Variants in MLLT3 observed in about 807,000 individuals in gnomAD.
The protein encoded by MLLT3 is MLLT3 super elongation complex subunit, also known as protein AF-9.
In MLLT3, 4 loss-of-function variants were observed where a neutral mutation model predicts 53.2. The observed-to-expected ratio is 0.08, with a 90% CI of 0.04 to 0.17. The LOEUF (loss-of-function observed/expected upper bound fraction) is 0.17, where lower values mean the gene tolerates loss of function less well. Ranked by LOEUF, MLLT3 falls within the 10% of genes least tolerant of loss-of-function variation. MLLT3 has a pLI of 1.00. For missense variants in MLLT3, 569 were observed against 684.0 expected (o/e 0.83, Z 1.87); for synonymous variants, 283 against 230.6 (o/e 1.23, Z -2.06).
intron 2 of MLLT3, among the ~76,000 whole-genome samples, chr9:20,478,367 C>T (rs1325271045): frequency 6.6e-6 from 1 of 152,152 alleles, no homozygotes; most frequent in Admixed American, 6.6e-5. Flanking sequence ...TTGTTTAGCA[C>T]TGTCCCTCAG....
intron 4 of MLLT3, among the ~76,000 whole-genome samples, chr9:20,446,524 T>C (rs1461951760): frequency 6.6e-6 from 1 of 152,228 alleles, no homozygotes; most frequent in Non-Finnish European, 1.5e-5. Flanking sequence ...GTGTCATATT[T>C]ACGTTTTCCT....
intron 2 of MLLT3, among the ~76,000 whole-genome samples, chr9:20,612,886 C>G (rs931448411): frequency 5.3e-5 from 8 of 152,128 alleles, no homozygotes; most frequent in Admixed American, 5.2e-4. Context: ...CTGACAGCAG[C>G]TAGTACAAAT....
intron 4 of MLLT3, among the ~76,000 whole-genome samples, chr9:20,419,560 G>A (rs1209699515): frequency 1.3e-5 from 2 of 150,518 alleles, no homozygotes; most frequent in Admixed American, 6.6e-5. Context: ...AACCTGACAA[G>A]TATCCAGAAA....
intron 2 of MLLT3, among the ~76,000 whole-genome samples, chr9:20,518,143 C>T (rs1251899453): frequency 2.0e-5 from 3 of 151,964 alleles, no homozygotes; most frequent in Non-Finnish European, 4.4e-5. Flanking sequence ...GTCAGGAGTT[C>T]GCAACCAGCC....
At chr9:20,429,578 CA>C (rs1421225357) in intron 4 of MLLT3, among the ~76,000 whole-genome samples, 1 of 151,852 alleles carries the variant, frequency 6.6e-6, no homozygotes, top group Non-Finnish European at 1.5e-5. Context: ...TCTAATAGAC[CA>C]AAACCACATT....
At chr9:20,432,701 G>A (rs1345003743) in intron 4 of MLLT3, among the ~76,000 whole-genome samples, 1 of 151,988 alleles carries the variant, frequency 6.6e-6, no homozygotes, top group Non-Finnish European at 1.5e-5. Flanking sequence ...CAGTTTAAAA[G>A]TGCAAAATCA....
intron 2 of MLLT3, among the ~76,000 whole-genome samples, chr9:20,595,275 G>A (rs1168468414): frequency 6.6e-6 from 1 of 152,126 alleles, no homozygotes; most frequent in African/African-American, 2.4e-5. Flanking sequence ...GCTGAGACAG[G>A]AGGATCGCTT....
At chr9:20,530,454 T>C (rs1375877373) in intron 2 of MLLT3, among the ~76,000 whole-genome samples, 4 of 152,202 alleles carry the variant, frequency 2.6e-5, no homozygotes, top group Non-Finnish European at 1.5e-5. Context: ...TATCAAAATG[T>C]TCAGAGCTTA....
At chr9:20,611,664 G>A (rs1820705763) in intron 2 of MLLT3, among the ~76,000 whole-genome samples, 1 of 151,930 alleles carries the variant, frequency 6.6e-6, no homozygotes, top group Admixed American at 6.6e-5. Flanking sequence ...TAAAAAAAAT[G>A]GTGACTTGAT....
intron 2 of MLLT3, among the ~76,000 whole-genome samples, chr9:20,560,684 G>A (rs1537069): frequency 0.097 from 14,712 of 152,180 alleles, 1,143 homozygotes; most frequent in African/African-American, 0.21. Context: ...GATTGTGGGC[G>A]GGGAGCATTG....
chr9:20,423,179 A>G (rs1245523272), intron 4 of MLLT3, among the ~76,000 whole-genome samples: 1 of 152,084 alleles, frequency 6.6e-6, no homozygotes, highest in Non-Finnish European at 1.5e-5. Context: ...GACTAAGGGC[A>G]TGCACCACCA....
At chr9:20,608,377 AG>A (rs1488813748) in intron 2 of MLLT3, among the ~76,000 whole-genome samples, 2 of 151,876 alleles carry the variant, frequency 1.3e-5, no homozygotes, top group Non-Finnish European at 2.9e-5. Flanking sequence ...ACAGGAAAAA[AG>A]GGCCAGAACT....
intron 2 of MLLT3, among the ~76,000 whole-genome samples, chr9:20,604,298 G>C (rs1820510198): frequency 6.6e-6 from 1 of 152,028 alleles, no homozygotes; most frequent in Admixed American, 6.6e-5. Context: ...CAATGAGTTA[G>C]TATTTCCTCT....
intron 4 of MLLT3, among the ~76,000 whole-genome samples, chr9:20,441,208 A>G (rs1343278170): frequency 6.6e-6 from 1 of 152,172 alleles, no homozygotes; most frequent in African/African-American, 2.4e-5. Flanking sequence ...GAAGGAAGGA[A>G]CAAATGAAGA....
chr9:20,484,809 T>C (rs562563572), intron 2 of MLLT3, among the ~76,000 whole-genome samples: 36 of 152,074 alleles, frequency 2.4e-4, no homozygotes, highest in Admixed American at 1.0e-3. Flanking sequence ...ATACTGAAAA[T>C]AAATCATGAA....
At position 20,413,798 on chromosome 9, in the gene MLLT3, A is replaced by T. The variant is rs763436029; in HGVS notation, c.1048T>A (p.Ser350Thr). ...ATATCATCAAATGGCGGTAACGTTG[A>T]TTTCTTCTTCTCTGATGTCTCACTT... ...IESETSEKKK[S>T]TLPPFDDIVD... The change falls in exon 5 of 11, where the codon TCA becomes ACA. Residue 350 changes from serine to threonine, a missense_variant. Physicochemically the swap from Ser to Thr is moderately conservative, Grantham distance 58. Transcript: ENST00000380338. 6.2e-7 allele frequency: 1 copy of T among 1,613,858 alleles called. No individual in the cohort carries two copies.
chr9:20,549,022 C>T (rs1174803569), intron 2 of MLLT3, among the ~76,000 whole-genome samples: 1 of 151,966 alleles, frequency 6.6e-6, no homozygotes, highest in African/African-American at 2.4e-5. Flanking sequence ...ACCATGTTGC[C>T]CAGGTGGGTC....
intron 2 of MLLT3, among the ~76,000 whole-genome samples, chr9:20,577,875 T>G (rs1204333016): frequency 6.6e-6 from 1 of 152,238 alleles, no homozygotes; most frequent in South Asian, 2.1e-4. Flanking sequence ...ACAGCAGACA[T>G]AGCAGTTTTC....
chr9:20,348,274 C>A lies in MLLT3; in HGVS notation c.1576-1700G>T, dbSNP rs572774259. Among the ~76,000 whole-genome samples, 4 of 152,294 alleles carry A rather than the reference C, an allele frequency of 2.6e-5. No homozygotes were observed. In the South Asian group the frequency reaches 6.2e-4, roughly 24 times the overall value. ...GGCCGTTTTTCTGAGAGCTGCCCAA[C>A]TACAATGTTTGCCTCCCCAGACCTA... On this transcript the variant is annotated intron_variant, in intron 10 of 10. Transcript: ENST00000380338.
Sources: allele counts gnomAD v4.1 joint callset (sites outside exome capture counted in the v4.1 genomes callset), GRCh38; gene constraint gnomAD v4.1.1; transcripts MANE v1.5; gene names NCBI Gene and HGNC (gene_info 2026-07-23, HGNC 2026-07-21).